Variants in SYNGR3 observed in about 807,000 individuals in gnomAD.
The protein encoded by SYNGR3 is synaptogyrin 3, also known as synaptogyrin-3.
In SYNGR3, 10 loss-of-function variants were observed where a neutral mutation model predicts 18.5. The observed-to-expected ratio is 0.54, with a 90% CI of 0.33 to 0.92. SYNGR3 has a LOEUF of 0.92. SYNGR3 is among the 40% of genes least tolerant of loss of function. The probability of loss-of-function intolerance (pLI) is 0.02; values close to 1 mark genes in which losing one functional copy is unlikely to be tolerated. For missense variants in SYNGR3, 335 were observed against 332.8 expected, an observed-to-expected ratio of 1.01 and a Z score of -0.05; for synonymous variants, 188 against 157.2, an observed-to-expected ratio of 1.20 and a Z score of -1.47.
intron 1 of SYNGR3, 78 bp from the exon 2 acceptor site, chr16:1,991,896 G>A: frequency 7.5e-7 from 1 of 1,324,774 alleles, no homozygotes; most frequent in Non-Finnish European, 1.0e-6. Context: ...GCAGGGACAG[G>A]CCCAGGGGCG....
chr16:1,992,188 T>C lies in SYNGR3; in HGVS notation c.314T>C (p.Val105Ala). The C allele has an allele frequency of 1.4e-6, 2 of 1,422,710 alleles. No homozygotes were observed. The highest frequency in any genetic ancestry group is 9.2e-7 in the Non-Finnish European group (1 of 1,088,070). 88.1% of individuals were successfully genotyped at this position (1,422,710 alleles called of 1,614,324 possible). ...AGCGTCCGCGACCGCCGGCGCGCGG[T>C]GTTGCTGGACCTGGGCTTCTCAGGT... is the stretch of plus-strand genomic sequence containing the variant. ...ISSVRDRRRA[V>A]LLDLGFSGLW... Residue 105 changes from valine to alanine, a missense_variant, in exon 2 of 4, where the codon GTG becomes GCG. Physicochemically the swap from Val to Ala is moderately conservative, Grantham distance 64. Coordinates refer to ENST00000248121, the MANE Select transcript of SYNGR3 (RefSeq NM_004209.6).
chr16:1,991,756 T>A, intron 1 of SYNGR3: 1 of 520,782 alleles, frequency 1.9e-6, no homozygotes, highest in South Asian at 2.5e-5. Flanking sequence ...GTAAAGTGGC[T>A]GTTTAACACA....
In SYNGR3 at chr16:1,992,678, C is replaced by G. The variant is rs373233038; in HGVS notation, c.380C>G (p.Thr127Ser). ...TGGTTCGTGGGCTTCTGCTTCCTCA[C>G]CAATCAGTGGCAGCGCACGGCGCCA... ...FLWFVGFCFL[T>S]NQWQRTAPGP... Residue 127 changes from threonine (T) to serine (S), a missense_variant, in exon 3 of 4, where the codon ACC becomes AGC. Thr to Ser is a moderately conservative substitution (Grantham distance 58, BLOSUM62 1). Transcript: ENST00000248121. 2.2e-5 allele frequency: 35 copies of G among 1,606,388 alleles called. No individual in the cohort carries two copies. The highest frequency in any genetic ancestry group is 2.8e-5 in the Non-Finnish European group (33 of 1,177,894).
In SYNGR3 at chr16:1,992,018, C is replaced by T. The variant is rs1277141970; in HGVS notation, c.144C>T (p.Tyr48=). ...AVFGPIVNEG[Y]VNTDSGPELR... ...TCGGGCCCATCGTCAACGAGGGCTA[C>T]GTGAACACCGACAGCGGCCCCGAGC... Residue 48 remains tyrosine, a synonymous_variant, in exon 2 of 4, where the codon TAC becomes TAT. Coordinates refer to ENST00000248121, the MANE Select transcript of SYNGR3 (RefSeq NM_004209.6). The T allele has an allele frequency of 2.5e-6, 4 of 1,591,260 alleles. No individual in the cohort carries two copies. The highest frequency in any genetic ancestry group is 3.4e-6 in the Non-Finnish European group (4 of 1,170,834).
intron 1 of SYNGR3, 67 bp downstream of exon 1, chr16:1,990,268 C>T: frequency 1.8e-6 from 1 of 555,896 alleles, no homozygotes; most frequent in Non-Finnish European, 2.3e-6. Context: ...CCTACCAGCC[C>T]CCTGCCCCCT....
chr16:1,992,167 T>C lies in SYNGR3; in HGVS notation c.293T>C (p.Val98Ala), dbSNP rs1397142230. 6.2e-6 allele frequency: 9 copies of C among 1,459,690 alleles called. No individual in the cohort carries two copies. The highest frequency in any genetic ancestry group is 7.2e-6 in the Non-Finnish European group (8 of 1,106,370). The allele number at this position is 1,459,690 out of a possible 1,614,324, so 90.4% of individuals were successfully genotyped here. A position where few individuals can be genotyped will look rare whatever the true frequency, so the allele number is the denominator to read the frequency against. Residue 98 changes from valine to alanine, a missense_variant, in exon 2 of 4, where the codon GTC becomes GCC. Physicochemically the swap from Val to Ala is moderately conservative, Grantham distance 64. Coordinates refer to ENST00000248121, the MANE Select transcript of SYNGR3 (RefSeq NM_004209.6). ...LDVRFQQISS[V>A]RDRRRAVLLD... The stretch of plus-strand genomic sequence containing the variant: ...GTGCGCTTCCAGCAAATCAGCAGCG[T>C]CCGCGACCGCCGGCGCGCGGTGTTG...
Position 1,992,769 on chromosome 16 carries a change from C to A in SYNGR3, c.471C>A (p.Ile157=). ...RAAIAFSFFS[I]LSWVALTVKA... is the part of the protein sequence containing the mutation. ...CCATCGCCTTCAGCTTCTTCTCCATCCTCAGCTGGGTGAGTGCGGGGCCCG... is the reference window on the plus strand; with the variant it reads ...CCATCGCCTTCAGCTTCTTCTCCATACTCAGCTGGGTGAGTGCGGGGCCCG... The change falls in exon 3 of 4, where the codon ATC becomes ATA. Residue 157 remains isoleucine, a synonymous_variant. Coordinates refer to ENST00000248121, the MANE Select transcript of SYNGR3 (RefSeq NM_004209.6). The A allele has an allele frequency of 6.4e-7, 1 of 1,567,712 alleles. No individual in the cohort carries two copies. Among genetic ancestry groups the A allele is most frequent in the Non-Finnish European group, 8.6e-7 (1 of 1,160,892 alleles).
At chr16:1,992,414 A>G in intron 2 of SYNGR3, 1 of 722,758 alleles carries the variant, frequency 1.4e-6, no homozygotes. Context: ...GGGACTTTCT[A>G]GGTAGGCGGG....
chr16:1,992,917 C>G lies in SYNGR3; in HGVS notation c.535C>G (p.Leu179Val). The change falls in exon 4 of 4, where the codon CTC becomes GTC. Residue 179 changes from leucine (L) to valine (V), a missense_variant. Physicochemically the swap from Leu to Val is conservative, Grantham distance 32. Coordinates refer to ENST00000248121, the MANE Select transcript of SYNGR3 (RefSeq NM_004209.6). ...GTTCCGCCTGGGCACCGACATGTCA[C>G]TCTTCGCCACCGAACAGCTGAGCAC... ...QRFRLGTDMS[L>V]FATEQLSTGA... 1 of 1,609,146 alleles carries G rather than the reference C, an allele frequency of 6.2e-7. No individual in the cohort carries two copies. The highest frequency in any genetic ancestry group is 8.5e-7 in the Non-Finnish European group (1 of 1,178,016).
chr16:1,991,930 G>C (rs752236287), intron 1 of SYNGR3, 44 bp from the exon 2 acceptor site: 2 of 1,529,218 alleles, frequency 1.3e-6, no homozygotes, highest in South Asian at 2.4e-5. Flanking sequence ...CGGGCTCGCA[G>C]AGGTCGGGTC....
In SYNGR3 at chr16:1,991,912, G is replaced by A. The variant is rs148163536; in HGVS notation, c.100-62G>A. On this transcript the variant is annotated intron_variant, in intron 1 of 3. Transcript: ENST00000248121. The stretch of plus-strand genomic sequence containing the variant: ...CAGGGACAGGCCCAGGGGCGTGGGC[G>A]CTCGAGGCGGGCTCGCAGAGGTCGG... 1.6e-3 allele frequency: 2,263 copies of A among 1,458,902 alleles called. 32 individuals are homozygous for A. In the African/African-American group the frequency reaches 0.03, roughly 20 times the overall value. 90.4% of individuals were successfully genotyped at this position (1,458,902 alleles called of 1,614,324 possible). A position where few individuals can be genotyped will look rare whatever the true frequency, so the allele number is the denominator to read the frequency against.
In SYNGR3 at chr16:1,993,460, C is replaced by G. The variant is rs972256406; in HGVS notation, c.*388C>G. ...GGACAAAGCGGGGGCAGGGGAAAGA[C>G]ACCACCCTCGCCCCAAGACTGGGGA... On this transcript the variant is annotated 3_prime_UTR_variant, in exon 4 of 4. Coordinates refer to ENST00000248121, the MANE Select transcript of SYNGR3 (RefSeq NM_004209.6). 12 of 498,368 alleles carry G rather than the reference C, an allele frequency of 2.4e-5. No homozygotes were observed. The highest frequency in any genetic ancestry group is 4.6e-5 in the Admixed American group (2 of 43,664). 30.9% of individuals were successfully genotyped at this position (498,368 alleles called of 1,614,324 possible).
intron 1 of SYNGR3, 94 bp from the exon 2 acceptor site, chr16:1,991,879 TG>T: frequency 9.1e-7 from 1 of 1,102,836 alleles, no homozygotes; most frequent in Non-Finnish European, 1.3e-6. Flanking sequence ...GATACGGGCC[TG>T]GGAACGCAGG....
chr16:1,992,997 C>T lies in SYNGR3; in HGVS notation c.615C>T (p.Thr205=), dbSNP rs1452040997. 1 of 1,612,048 alleles carries T rather than the reference C, an allele frequency of 6.2e-7. No homozygotes were observed. The highest frequency in any genetic ancestry group is 8.5e-7 in the Non-Finnish European group (1 of 1,179,756). Residue 205 remains threonine (T), a synonymous_variant, in exon 4 of 4, where the codon ACC becomes ACT. Coordinates refer to ENST00000248121, the MANE Select transcript of SYNGR3 (RefSeq NM_004209.6). ...CGGTGGGCAGCGGCGTGGAGGGCAC[C>T]GAGACCTACCAGAGCCCGCCCTTCA... ...GYPVGSGVEG[T]ETYQSPPFTE... is the part of the protein sequence containing the mutation.
chr16:1,991,811 A>T lies in SYNGR3; in HGVS notation c.100-163A>T, dbSNP rs542323053. 18 of 611,888 alleles carry T rather than the reference A, an allele frequency of 2.9e-5. No homozygotes were observed. The Admixed American group carries it at 4.0e-4, about 14-fold the overall frequency. The allele number at this position is 611,888 out of a possible 1,614,324, so 37.9% of individuals were successfully genotyped here. A position where few individuals can be genotyped will look rare whatever the true frequency, so the allele number is the denominator to read the frequency against. ...GCTCACTAAACGGCCCGTGTTGTCA[A>T]TAATTACTAAATACGCGAGGGTTCG... is the stretch of plus-strand genomic sequence containing the variant. On this transcript the variant is annotated intron_variant, in intron 1 of 3. Coordinates refer to ENST00000248121, the MANE Select transcript of SYNGR3 (RefSeq NM_004209.6).
In SYNGR3 at chr16:1,993,299, A is replaced by T. The variant is rs1470743886; in HGVS notation, c.*227A>T. 1.6e-6 allele frequency: 1 copy of T among 638,324 alleles called. No homozygotes were observed. The highest frequency in any genetic ancestry group is 2.8e-6 in the Non-Finnish European group (1 of 356,710). The allele number at this position is 638,324 out of a possible 1,614,324, so 39.5% of individuals were successfully genotyped here. On this transcript the variant is annotated 3_prime_UTR_variant, in exon 4 of 4. Transcript: ENST00000248121. The stretch of plus-strand genomic sequence containing the variant: ...CCAGGACTGAGGTCCTGAGAAGGGG[A>T]TAGCACTGCCCAGGACGTGTGTCCC...
intron 2 of SYNGR3, 97 bp downstream of exon 2, chr16:1,992,308 G>C: frequency 1.0e-6 from 1 of 996,804 alleles, no homozygotes; most frequent in Admixed American, 4.2e-5. Context: ...TTCCAGCTGG[G>C]CGTGGCCGTG....
Position 1,992,054 on chromosome 16 carries a change from G to T in SYNGR3, c.180G>T (p.Val60=). The change falls in exon 2 of 4, where the codon GTG becomes GTT. Residue 60 remains valine (V), a synonymous_variant. Coordinates refer to ENST00000248121, the MANE Select transcript of SYNGR3 (RefSeq NM_004209.6). ...NTDSGPELRC[V]FNGNAGACRF... is the part of the protein sequence containing the mutation. ...ACAGCGGCCCCGAGCTGCGCTGCGT[G>T]TTCAACGGGAACGCGGGCGCCTGCC... 6.3e-7 allele frequency: 1 copy of T among 1,575,588 alleles called. No individual in the cohort carries two copies. Among genetic ancestry groups the T allele is most frequent in the Non-Finnish European group, 8.6e-7 (1 of 1,162,540 alleles).
In SYNGR3 at chr16:1,992,235, C is replaced by G. The variant is rs1387695099; in HGVS notation, c.337+24C>G. 2.2e-4 allele frequency: 111 copies of G among 496,176 alleles called. No homozygotes were observed. In the East Asian group the frequency reaches 0.018, roughly 79 times the overall value. The allele number at this position is 496,176 out of a possible 1,614,324, so 30.7% of individuals were successfully genotyped here. On this transcript the variant is annotated intron_variant, in intron 2 of 3. Coordinates refer to ENST00000248121, the MANE Select transcript of SYNGR3 (RefSeq NM_004209.6). ...AGGTGGGCGGGGCCGGGGCGGTGAGCGCGGAGAGCCTTCCGGGTGGGCGGG... is the reference window on the plus strand; with the variant it reads ...AGGTGGGCGGGGCCGGGGCGGTGAGGGCGGAGAGCCTTCCGGGTGGGCGGG...
Sources: allele counts gnomAD v4.1 joint callset, GRCh38; gene constraint gnomAD v4.1.1; transcripts MANE v1.5; gene names NCBI Gene and HGNC (gene_info 2026-07-23, HGNC 2026-07-21).